The following LY75 variants were observed in gnomAD, a reference collection of about 807,000 sequenced individuals.
LY75 encodes the protein C-type lectin domain family 13 member B.
Under a neutral mutation model 231.7 loss-of-function variants are expected in LY75, and 185 were observed. That is an observed-to-expected ratio of 0.80 (90% confidence interval 0.71 to 0.90). The LOEUF (loss-of-function observed/expected upper bound fraction) is 0.90, where lower values mean the gene tolerates loss of function less well. Among genes scored for constraint, LY75 ranks in the 40% least tolerant of loss-of-function variants. LY75 has a pLI of 0.00. For synonymous variants in LY75, 668 were observed against 689.0 expected (o/e 0.97, Z 0.48); for missense variants, 1,947 against 2,050.2 (o/e 0.95, Z 0.97).
Position 159,831,707 on chromosome 2 carries a change from A to G in LY75, c.3921T>C (p.Tyr1307=). 1 of 1,612,744 alleles carries G rather than the reference A, an allele frequency of 6.2e-7. No individual in the cohort carries two copies. The highest frequency in any genetic ancestry group is 2.2e-5 in the East Asian group (1 of 44,722). Residue 1307 remains tyrosine (Y), a synonymous_variant, in exon 28 of 35, where the codon TAT becomes TAC. Coordinates refer to ENST00000263636, the MANE Select transcript of LY75 (RefSeq NM_002349.4). ...FVLEQLLYFN[Y]MASWVMLGIT... is the part of the protein sequence containing the mutation. ...TTCCTAACATGACCCATGAAGCCAT[A>G]TAATTGAAGTACAGCAGTTGCTCAA...
In LY75 at chr2:159,834,081, T is replaced by A. The variant is rs756673231; in HGVS notation, c.3804A>T (p.Thr1268=). 6.2e-7 allele frequency: 1 copy of A among 1,613,988 alleles called. No homozygotes were observed. Among genetic ancestry groups the A allele is most frequent in the South Asian group, 1.1e-5 (1 of 91,080 alleles). The stretch of plus-strand genomic sequence containing the variant: ...ATTTAGTATGAACTTCATCCTGTGT[T>A]GTTGCCATATGCCTATTCTTTGTTA... ...FIITKNRHMA[T]TQDEVHTKCQ... The change falls in exon 27 of 35, where the codon ACA becomes ACT. Residue 1268 remains threonine (T), a synonymous_variant. Coordinates refer to ENST00000263636, the MANE Select transcript of LY75 (RefSeq NM_002349.4).
intron 18 of LY75, 72 bp from the exon 19 acceptor site, chr2:159,853,769 T>C: frequency 6.3e-7 from 1 of 1,595,216 alleles, no homozygotes; most frequent in South Asian, 1.1e-5. Context: ...GAATACATTG[T>C]CTTACTATAA....
chr2:159,850,604 G>C, intron 21 of LY75, 137 bp from the exon 22 acceptor site: 1 of 1,072,258 alleles, frequency 9.3e-7, no homozygotes, highest in Non-Finnish European at 1.3e-6. Context: ...AGTACCATAA[G>C]AATTCAAGTT....
At chr2:159,887,211 T>TCACACA (rs370794967) in intron 4 of LY75, among the ~76,000 whole-genome samples, 10,526 of 129,862 alleles carry the variant, frequency 0.081, 537 homozygotes, top group East Asian at 0.15. Context: ...AGAGTGAGAG[T>TCACACA]CACACACACA....
chr2:159,842,771 T>C (rs910797312), intron 23 of LY75, among the ~76,000 whole-genome samples: 2 of 152,128 alleles, frequency 1.3e-5, no homozygotes, highest in East Asian at 1.9e-4. Flanking sequence ...TCTGATCCTA[T>C]ACTAGTCACT....
In LY75 at chr2:159,882,163, C is replaced by A; in HGVS notation, c.1207G>T (p.Ala403Ser). The A allele has an allele frequency of 6.2e-7, 1 of 1,613,606 alleles. No homozygotes were observed. Among genetic ancestry groups the A allele is most frequent in the Non-Finnish European group, 8.5e-7 (1 of 1,179,790 alleles). Reference protein sequence around the residue: ...SSDLISIHSLADVEVVVTKLH... With the variant: ...SSDLISIHSLSDVEVVVTKLH... ...TTTGTGACAACCACCTCCACATCTG[C>A]TAGAGAATGAATGCTGATTAGGTCA... Residue 403 changes from alanine to serine, a missense_variant, in exon 7 of 35, where the codon GCA (alanine) becomes TCA (serine). Ala to Ser is a moderately conservative substitution (Grantham distance 99). Coordinates refer to ENST00000263636, the MANE Select transcript of LY75 (RefSeq NM_002349.4).
intron 31 of LY75, among the ~76,000 whole-genome samples, chr2:159,813,325 C>CT (rs1166100310): frequency 2.2e-5 from 3 of 138,336 alleles, no homozygotes; most frequent in Non-Finnish European, 4.7e-5. Context: ...CTGTTATTCT[C>CT]TGTTTTGTTT....
chr2:159,817,885 C>T lies in LY75; in HGVS notation c.4154-853G>A, dbSNP rs918292602. Among the ~76,000 whole-genome samples the T allele has an allele frequency of 1.3e-3, 199 of 151,620 alleles. 1 individual carries two copies. Among genetic ancestry groups the T allele is most frequent in the Non-Finnish European group, 3.7e-4 (25 of 67,840 alleles). On this transcript the variant is annotated intron_variant, in intron 29 of 34. Transcript: ENST00000263636. The stretch of plus-strand genomic sequence containing the variant: ...CAACATGGTGAAACCCCGTCTCTAC[C>T]AAAAATACAAAAAATTAGCTGGGCA...
intron 28 of LY75, among the ~76,000 whole-genome samples, chr2:159,830,797 G>A (rs1189733232): frequency 2.6e-5 from 4 of 152,018 alleles, no homozygotes; most frequent in Admixed American, 6.5e-5. Context: ...GGCCAGGCTG[G>A]TCTCAAACTC....
At chr2:159,807,939 A>T in intron 33 of LY75, 2 of 974,830 alleles carry the variant, frequency 2.1e-6, no homozygotes, top group Non-Finnish European at 2.4e-6. Context: ...AAAAGCTGCA[A>T]TTACTTTCAC....
chr2:159,850,552 G>A, intron 21 of LY75, 85 bp from the exon 22 acceptor site: 1 of 1,557,888 alleles, frequency 6.4e-7, no homozygotes, highest in Non-Finnish European at 8.7e-7. Flanking sequence ...CTTTTAGAGG[G>A]CTGCTAATTT....
chr2:159,893,054 G>T (rs1403556596), intron 3 of LY75, among the ~76,000 whole-genome samples: 2 of 152,144 alleles, frequency 1.3e-5, no homozygotes, highest in African/African-American at 2.4e-5. Context: ...CTAAGCTCCT[G>T]ATCTAGGACT....
At chr2:159,898,626 G>A (rs975220874) in intron 2 of LY75, 62 bp downstream of exon 2, 2 of 1,557,526 alleles carry the variant, frequency 1.3e-6, no homozygotes, top group African/African-American at 2.7e-5. Flanking sequence ...AATTGTGCAT[G>A]TTTAATGCCA....
Position 159,842,368 on chromosome 2 carries a change from C to T in LY75, c.3157G>A (p.Glu1053Lys), listed in dbSNP as rs939729858. 8.7e-6 allele frequency: 14 copies of T among 1,606,820 alleles called. No homozygotes were observed. The Admixed American group carries it at 2.0e-4, about 23-fold the overall frequency. Residue 1053 changes from glutamate to lysine, a missense_variant, in exon 24 of 35, where the codon GAG (glutamate) becomes AAG (lysine). Transcript: ENST00000263636. ...GCACAGTGGTAGCGAGACTCTTCCT[C>T]AAAAAACTAAACAAAAAGGCAAATA... is the stretch of plus-strand genomic sequence containing the variant. ...GRLRIPENFF[E>K]EESRYHCALI...
chr2:159,879,219 T>C (rs751779833), intron 9 of LY75, 40 bp downstream of exon 9: 1 of 1,599,678 alleles, frequency 6.3e-7, no homozygotes, highest in South Asian at 1.1e-5. Flanking sequence ...CAAGAAGTTG[T>C]AATACTGCTT....
At chr2:159,855,996 C>G (rs573360854) in intron 16 of LY75, among the ~76,000 whole-genome samples, 1 of 152,282 alleles carries the variant, frequency 6.6e-6, no homozygotes, top group African/African-American at 2.4e-5. Flanking sequence ...GGATAATTTC[C>G]AACAATAATG....
chr2:159,849,760 T>C (rs1220947366), intron 23 of LY75, among the ~76,000 whole-genome samples: 1 of 152,124 alleles, frequency 6.6e-6, no homozygotes, highest in East Asian at 1.9e-4. Flanking sequence ...ATTTTCGCCA[T>C]CCCCAAAAGA....
intron 28 of LY75, among the ~76,000 whole-genome samples, chr2:159,830,666 C>T (rs202199979): frequency 4.6e-5 from 7 of 150,996 alleles, no homozygotes; most frequent in East Asian, 1.9e-4. Flanking sequence ...CTTGGCTCAC[C>T]GCAACCTCTG....
At chr2:159,815,706 A>C in intron 30 of LY75, 133 bp from the exon 31 acceptor site, 1 of 1,105,800 alleles carries the variant, frequency 9.0e-7, no homozygotes, top group Non-Finnish European at 1.3e-6. Context: ...GTAGGTCTGA[A>C]CCTACTATTA....
Sources: gnomAD v4.1 joint callset for allele counts (sites outside exome capture counted in the v4.1 genomes callset) on GRCh38, gnomAD v4.1.1 for gene constraint, MANE v1.5 for transcripts, NCBI Gene and HGNC (gene_info 2026-07-23, HGNC 2026-07-21) for gene names.